IL20RA: variants seen among roughly 807,000 people sequenced by gnomAD.
IL20RA encodes the protein interleukin-20 receptor subunit alpha.
In IL20RA, 29 loss-of-function variants were observed where a neutral mutation model predicts 36.5. The ratio of observed to expected loss-of-function variants is 0.79; its 90% confidence interval spans 0.59 to 1.08. IL20RA has a LOEUF of 1.08. Among genes scored for constraint, IL20RA ranks in the 50% least tolerant of loss-of-function variants. The pLI, the probability that IL20RA is intolerant of heterozygous loss-of-function variation, is 0.00. For missense variants in IL20RA, 652 were observed against 668.4 expected (o/e 0.98, Z 0.27); for synonymous variants, 279 against 267.1 (o/e 1.04, Z -0.43).
chr6:137,000,885 C>T lies in IL20RA; in HGVS notation c.*673G>A, dbSNP rs1332840863. On this transcript the variant is annotated 3_prime_UTR_variant, in exon 7 of 7. Transcript: ENST00000316649. The stretch of plus-strand genomic sequence containing the variant: ...CCCCTACTAAATTATTGAGAGGACA[C>T]TTTTCTGACTACAAAAGAATACTCG... The T allele has an allele frequency of 2.6e-5, 4 of 152,156 alleles. No homozygotes were observed. In the East Asian group the frequency reaches 5.8e-4, roughly 22 times the overall value. 9.4% of individuals were successfully genotyped at this position (152,156 alleles called of 1,614,324 possible).
At chr6:137,042,130 T>C (rs1289260721) in intron 1 of IL20RA, among the ~76,000 whole-genome samples, 3 of 152,170 alleles carry the variant, frequency 2.0e-5, no homozygotes, top group Non-Finnish European at 2.9e-5. Flanking sequence ...AGCAGCATTC[T>C]AGCAGAGGGG....
At chr6:137,039,987 G>A (rs559572243) in intron 1 of IL20RA, among the ~76,000 whole-genome samples, 32 of 152,220 alleles carry the variant, frequency 2.1e-4, no homozygotes, top group South Asian at 1.5e-3. Context: ...AGGTAACTTT[G>A]GTCAATAGTA....
intron 2 of IL20RA, among the ~76,000 whole-genome samples, chr6:137,013,660 A>C (rs1414436008): frequency 1.3e-5 from 2 of 152,108 alleles, no homozygotes; most frequent in Admixed American, 1.3e-4. Flanking sequence ...TTTTGCATTA[A>C]TTGTTTTGGT....
chr6:137,020,089 G>A (rs1311672648), intron 1 of IL20RA, among the ~76,000 whole-genome samples: 14 of 152,192 alleles, frequency 9.2e-5, no homozygotes, highest in Non-Finnish European at 1.5e-4. Context: ...TGTTTTCTTT[G>A]TCTTGGATCA....
chr6:137,022,717 A>G lies in IL20RA; in HGVS notation c.89-5614T>C, dbSNP rs1775945883. Among the ~76,000 whole-genome samples the G allele has an allele frequency of 2.0e-5, 3 of 152,264 alleles. No homozygotes were observed. In the South Asian group the frequency reaches 6.2e-4, roughly 31 times the overall value. Reference sequence around the variant, plus strand: ...TAGAGTTGTTGCAGATACAGTTAACATGAGATCATACTGAAGTCAGGTGGG... The same window carrying G: ...TAGAGTTGTTGCAGATACAGTTAACGTGAGATCATACTGAAGTCAGGTGGG... On this transcript the variant is annotated intron_variant, in intron 1 of 6. Transcript: ENST00000316649.
chr6:137,030,117 A>C, intron 1 of IL20RA, among the ~76,000 whole-genome samples: 1 of 110,460 alleles, frequency 9.1e-6, no homozygotes, highest in African/African-American at 3.5e-5. Flanking sequence ...GTCTGACTCT[A>C]TCACCCAGGC....
chr6:137,002,377 ATTTTCACC>A (rs1775108618), intron 6 of IL20RA, 22 bp from the exon 7 acceptor site: 1 of 1,483,466 alleles, frequency 6.7e-7, no homozygotes, highest in African/African-American at 1.4e-5. Flanking sequence ...AAAGAGAATG[ATTTTCACC>A]TTTTCACTTT....
chr6:137,002,604 G>A (rs942692084), intron 6 of IL20RA, among the ~76,000 whole-genome samples: 2 of 152,202 alleles, frequency 1.3e-5, no homozygotes, highest in African/African-American at 4.8e-5. Flanking sequence ...TCCAGGGCTG[G>A]GGCTGGGGCG....
At position 137,043,711 on chromosome 6, in the gene IL20RA, T is replaced by C. The variant is rs139656358; in HGVS notation, c.88+930A>G. Among the ~76,000 whole-genome samples the C allele has an allele frequency of 5.4e-4, 83 of 152,330 alleles. 2 individuals are homozygous for C. In the East Asian group the frequency reaches 0.015, roughly 27 times the overall value. On this transcript the variant is annotated intron_variant, in intron 1 of 6. Transcript: ENST00000316649. ...TCCTGCATTCACTCTTACTGTTCAG[T>C]TCTGGGTTAAAAGACAGCGGGGCCT...
At chr6:137,008,042 G>C (rs1437140316) in intron 5 of IL20RA, among the ~76,000 whole-genome samples, 1 of 152,046 alleles carries the variant, frequency 6.6e-6, no homozygotes, top group Non-Finnish European at 1.5e-5. Context: ...TGCACCTATG[G>C]CTCACTGCAG....
chr6:137,007,597 C>T (rs1198879911), intron 5 of IL20RA, among the ~76,000 whole-genome samples: 1 of 152,180 alleles, frequency 6.6e-6, no homozygotes, highest in African/African-American at 2.4e-5. Flanking sequence ...TAAAGCTCCT[C>T]TCACTGTGAA....
chr6:137,024,059 A>G (rs1278457319), intron 1 of IL20RA, among the ~76,000 whole-genome samples: 1 of 152,252 alleles, frequency 6.6e-6, no homozygotes, highest in Non-Finnish European at 1.5e-5. Context: ...GCACCACTGC[A>G]TTCCAGCCTG....
intron 1 of IL20RA, chr6:137,044,336 G>T (rs1776818547): frequency 2.8e-6 from 3 of 1,055,916 alleles, no homozygotes; most frequent in Non-Finnish European, 3.4e-6. Flanking sequence ...TGTGGGCACC[G>T]CGCAGAGCGC....
intron 1 of IL20RA, chr6:137,044,024 G>T: frequency 2.6e-6 from 2 of 778,688 alleles, no homozygotes; most frequent in African/African-American, 3.8e-5. Context: ...AAAAATCAAA[G>T]AGCACTATCT....
chr6:137,032,291 A>AGAGTGACAG (rs1336365200), intron 1 of IL20RA, among the ~76,000 whole-genome samples: 1 of 152,206 alleles, frequency 6.6e-6, no homozygotes, highest in Non-Finnish European at 1.5e-5. Flanking sequence ...CCCCAAGGAC[A>AGAGTGACAG]GAGTGACAGG....
At chr6:137,012,971 A>T (rs558387363) in intron 2 of IL20RA, among the ~76,000 whole-genome samples, 136 of 149,230 alleles carry the variant, frequency 9.1e-4, no homozygotes, top group Non-Finnish European at 1.8e-3. Context: ...AGGGCTTTCA[A>T]TTTTTTTTTT....
At chr6:137,037,782 TG>T (rs1776540068) in intron 1 of IL20RA, 1 of 152,236 alleles carries the variant, frequency 6.6e-6, no homozygotes, top group Non-Finnish European at 1.5e-5. Context: ...GGTGGTTTTC[TG>T]GAGAGGAAAG....
At chr6:137,019,436 T>C (rs1227480983) in intron 1 of IL20RA, among the ~76,000 whole-genome samples, 1 of 152,116 alleles carries the variant, frequency 6.6e-6, no homozygotes, top group East Asian at 1.9e-4. Context: ...GCCCTATTTG[T>C]TTTTTTAATG....
intron 1 of IL20RA, chr6:137,044,427 C>T (rs962095836): frequency 6.3e-6 from 6 of 952,752 alleles, no homozygotes; most frequent in Admixed American, 9.1e-5. Flanking sequence ...AACTTGACCC[C>T]GAGCCAAGGT....
Sources: allele counts gnomAD v4.1 joint callset (sites outside exome capture counted in the v4.1 genomes callset), GRCh38; gene constraint gnomAD v4.1.1; transcripts MANE v1.5; gene names NCBI Gene and HGNC (gene_info 2026-07-23, HGNC 2026-07-21).